Variants in NMNAT2 observed in about 807,000 individuals in gnomAD.
The protein encoded by NMNAT2 is nicotinamide/nicotinic acid mononucleotide adenylyltransferase 2.
Under a neutral mutation model 41.6 loss-of-function variants are expected in NMNAT2, and 11 were observed. The ratio of observed to expected loss-of-function variants is 0.26; its 90% confidence interval spans 0.17 to 0.44. The LOEUF is 0.44. Ranked by LOEUF, NMNAT2 falls within the 20% of genes least tolerant of loss-of-function variation. NMNAT2 has a pLI of 1.00. For missense variants in NMNAT2, 288 were observed against 407.7 expected, an observed-to-expected ratio of 0.71 and a Z score of 2.53; for synonymous variants, 148 against 151.2, an observed-to-expected ratio of 0.98 and a Z score of 0.16.
chr1:183,335,721 C>T (rs185594572), intron 1 of NMNAT2, among the ~76,000 whole-genome samples: 162 of 152,320 alleles, frequency 1.1e-3, no homozygotes, highest in Non-Finnish European at 1.9e-3. Context: ...TCCCTGTGTA[C>T]TTCATTCATT....
rs187773346 is a variant in NMNAT2 at position 183,400,684 on chromosome 1, C to G, written c.85+17499G>C. On this transcript the variant is annotated intron_variant, in intron 1 of 10. Transcript: ENST00000287713. ...CACTGTACTACAAGGCTACAGTAAC[C>G]GAAACAACATGGTACTGCTACCAAA... 5.3e-3 allele frequency among the ~76,000 whole-genome samples: 813 copies of G among 152,234 alleles called. 25 individuals are homozygous for G. The highest frequency in any genetic ancestry group is 0.047 in the Admixed American group (719 of 15,276).
chr1:183,307,931 G>A (rs1487913809), intron 1 of NMNAT2, among the ~76,000 whole-genome samples: 1 of 152,178 alleles, frequency 6.6e-6, no homozygotes, highest in East Asian at 1.9e-4. Flanking sequence ...TGGGGAGGGC[G>A]CGTGCTGCAT....
chr1:183,322,836 T>C (rs765133770), intron 1 of NMNAT2, among the ~76,000 whole-genome samples: 10 of 152,222 alleles, frequency 6.6e-5, no homozygotes, highest in Non-Finnish European at 7.3e-5. Flanking sequence ...TATACTACCT[T>C]GCAGACCTCT....
chr1:183,296,335 T>C (rs1661696935), intron 1 of NMNAT2, among the ~76,000 whole-genome samples: 1 of 152,224 alleles, frequency 6.6e-6, no homozygotes. Flanking sequence ...CAAGGAGCCA[T>C]ATGAATCATA....
intron 6 of NMNAT2, 141 bp downstream of exon 6, chr1:183,284,569 C>A: frequency 1.4e-6 from 1 of 737,798 alleles, no homozygotes; most frequent in Non-Finnish European, 2.5e-6. Context: ...TGGGGGGATA[C>A]GTTGTGCACA....
At chr1:183,315,997 G>A (rs1049673783) in intron 1 of NMNAT2, among the ~76,000 whole-genome samples, 2 of 152,088 alleles carry the variant, frequency 1.3e-5, no homozygotes, top group African/African-American at 4.8e-5. Flanking sequence ...TTGATTCTTA[G>A]AGCTTTTTCT....
chr1:183,317,018 T>G lies in NMNAT2; in HGVS notation c.86-23225A>C, dbSNP rs891160687. Among the ~76,000 whole-genome samples the G allele has an allele frequency of 3.9e-5, 6 of 152,186 alleles. No homozygotes were observed. In the East Asian group the frequency reaches 1.2e-3, roughly 29 times the overall value. ...TAGACCTGTGCACATTTGATAAATGTTACCTGATCCACATACATTTTAATA... is the reference window on the plus strand; with the variant it reads ...TAGACCTGTGCACATTTGATAAATGGTACCTGATCCACATACATTTTAATA... On this transcript the variant is annotated intron_variant, in intron 1 of 10. Transcript: ENST00000287713.
rs79743857 is a variant in NMNAT2 at position 183,364,612 on chromosome 1, A to G, written c.85+53571T>C. 9.8e-3 allele frequency among the ~76,000 whole-genome samples: 1,447 copies of G among 147,792 alleles called. 22 individuals are homozygous for G. The highest frequency in any genetic ancestry group is 0.034 in the African/African-American group (1,386 of 40,814). ...AATTTATAGTTTAATTTTGTTATAT[A>G]TAAGTAGAAGCTGCAGGGATAAATT... On this transcript the variant is annotated intron_variant, in intron 1 of 10. Transcript: ENST00000287713.
chr1:183,354,422 T>C (rs1349802484), intron 1 of NMNAT2, among the ~76,000 whole-genome samples: 1 of 146,622 alleles, frequency 6.8e-6, no homozygotes, highest in East Asian at 2.0e-4. Flanking sequence ...TTTTTTTTTT[T>C]TTTTTTTTTT....
chr1:183,392,398 T>C (rs1356017163), intron 1 of NMNAT2, among the ~76,000 whole-genome samples: 1 of 152,184 alleles, frequency 6.6e-6, no homozygotes, highest in African/African-American at 2.4e-5. Flanking sequence ...CCATCACCTC[T>C]CCTATAGATT....
intron 1 of NMNAT2, among the ~76,000 whole-genome samples, chr1:183,378,671 C>A (rs1663729790): frequency 6.6e-6 from 1 of 151,948 alleles, no homozygotes; most frequent in African/African-American, 2.4e-5. Context: ...AAATAGAAAT[C>A]ATTGAGGAAG....
intron 1 of NMNAT2, among the ~76,000 whole-genome samples, chr1:183,371,728 G>A (rs1051581790): frequency 1.3e-5 from 2 of 152,184 alleles, no homozygotes; most frequent in African/African-American, 2.4e-5. Context: ...AAGAGAGGAA[G>A]CTGCTGTGCT....
At chr1:183,296,149 C>T (rs931601182) in intron 1 of NMNAT2, among the ~76,000 whole-genome samples, 9 of 152,176 alleles carry the variant, frequency 5.9e-5, no homozygotes, top group Non-Finnish European at 1.2e-4. Flanking sequence ...CGCGCCCGGC[C>T]GGCAGCTCAT....
intron 1 of NMNAT2, among the ~76,000 whole-genome samples, chr1:183,351,613 T>C (rs1663048339): frequency 6.6e-6 from 1 of 152,208 alleles, no homozygotes; most frequent in African/African-American, 2.4e-5. Flanking sequence ...TTCTGATTGG[T>C]TTATTCCTTT....
chr1:183,370,680 T>C (rs1482713621), intron 1 of NMNAT2, among the ~76,000 whole-genome samples: 1 of 152,168 alleles, frequency 6.6e-6, no homozygotes, highest in Non-Finnish European at 1.5e-5. Context: ...TGGGGATCCA[T>C]TGATTCTGGG....
chr1:183,280,603 T>G (rs570988263), intron 7 of NMNAT2, among the ~76,000 whole-genome samples: 91 of 151,436 alleles, frequency 6.0e-4, no homozygotes, highest in Admixed American at 2.6e-3. Context: ...GGCCAGGCAG[T>G]TCTCAAACTC....
chr1:183,314,715 C>T (rs1050674259), intron 1 of NMNAT2, among the ~76,000 whole-genome samples: 1 of 152,202 alleles, frequency 6.6e-6, no homozygotes, highest in African/African-American at 2.4e-5. Context: ...AGTGCAGACA[C>T]CTTAAAGATA....
rs113181491 is a variant in NMNAT2 at position 183,357,572 on chromosome 1, G to A, written c.85+60611C>T. 1.3e-4 allele frequency among the ~76,000 whole-genome samples: 20 copies of A among 152,152 alleles called. No individual in the cohort carries two copies. The East Asian group carries it at 1.7e-3, about 13-fold the overall frequency. On this transcript the variant is annotated intron_variant, in intron 1 of 10. Transcript: ENST00000287713. The stretch of plus-strand genomic sequence containing the variant: ...TAGAACATCTCATCTTTGAGGAATC[G>A]CCCCACACTGTCTTCCAAAATGGTT...
At chr1:183,351,802 C>T (rs1199833216) in intron 1 of NMNAT2, among the ~76,000 whole-genome samples, 1 of 151,998 alleles carries the variant, frequency 6.6e-6, no homozygotes, top group African/African-American at 2.4e-5. Flanking sequence ...TAATAGGGTC[C>T]CTATAAGAAT....
Sources: gnomAD v4.1 joint callset for allele counts (sites outside exome capture counted in the v4.1 genomes callset) on GRCh38, gnomAD v4.1.1 for gene constraint, MANE v1.5 for transcripts, NCBI Gene and HGNC (gene_info 2026-07-23, HGNC 2026-07-21) for gene names.